ROBO1: variants seen among roughly 807,000 people sequenced by gnomAD.
ROBO1 encodes the protein roundabout guidance receptor 1.
Under a neutral mutation model 195.9 loss-of-function variants are expected in ROBO1, and 149 were observed. The ratio of observed to expected loss-of-function variants is 0.76; its 90% CI spans 0.67 to 0.87. The LOEUF (loss-of-function observed/expected upper bound fraction) is 0.87. Among genes scored for constraint, ROBO1 ranks in the 40% least tolerant of loss-of-function variants. ROBO1 has a pLI of 0.00. For missense variants in ROBO1, 1,933 were observed against 2,068.3 expected, an observed-to-expected ratio of 0.93 and a Z score of 1.27; for synonymous variants, 816 against 733.2, an observed-to-expected ratio of 1.11 and a Z score of -1.82.
intron 1 of ROBO1, among the ~76,000 whole-genome samples, chr3:79,761,377 T>C (rs185296967): frequency 2.6e-5 from 4 of 152,022 alleles, no homozygotes; most frequent in Admixed American, 2.0e-4. Flanking sequence ...AGAAAATGCA[T>C]AGAAATAATA....
chr3:79,747,079 A>G (rs1703908674), intron 1 of ROBO1, among the ~76,000 whole-genome samples: 1 of 152,028 alleles, frequency 6.6e-6, no homozygotes, highest in Non-Finnish European at 1.5e-5. Flanking sequence ...TAAGTAGGGA[A>G]TATAAACTCA....
At chr3:79,024,236 T>C (rs1431192184) in intron 3 of ROBO1, among the ~76,000 whole-genome samples, 3 of 152,236 alleles carry the variant, frequency 2.0e-5, no homozygotes, top group African/African-American at 7.2e-5. Flanking sequence ...GGTGCTATCC[T>C]GCTAAGTGCT....
At chr3:78,655,415 C>T (rs147437378) in intron 18 of ROBO1, among the ~76,000 whole-genome samples, 7 of 152,186 alleles carry the variant, frequency 4.6e-5, no homozygotes, top group African/African-American at 1.4e-4. Flanking sequence ...TTCCCATAGA[C>T]GATGTGTTTC....
chr3:78,823,874 C>G (rs961018568), intron 4 of ROBO1, among the ~76,000 whole-genome samples: 2 of 150,328 alleles, frequency 1.3e-5, no homozygotes, highest in Non-Finnish European at 3.0e-5. Flanking sequence ...AATTTTGTCA[C>G]TGTGTGTGTG....
At chr3:79,332,062 G>C (rs368957286) in intron 2 of ROBO1, among the ~76,000 whole-genome samples, 1 of 150,762 alleles carries the variant, frequency 6.6e-6, no homozygotes, top group African/African-American at 2.4e-5. Flanking sequence ...AGAGTGGCGT[G>C]AACCCGGGAG....
chr3:78,673,221 T>C (rs1035153775), intron 10 of ROBO1, among the ~76,000 whole-genome samples: 9 of 151,818 alleles, frequency 5.9e-5, no homozygotes, highest in African/African-American at 2.2e-4. Context: ...GAGATATGGT[T>C]AGATTTGAAA....
chr3:79,439,864 T>A (rs2107113928), intron 2 of ROBO1, among the ~76,000 whole-genome samples: 1 of 152,096 alleles, frequency 6.6e-6, no homozygotes, highest in African/African-American at 2.4e-5. Flanking sequence ...AGAATGAAGA[T>A]GAGAGAGAGC....
intron 4 of ROBO1, among the ~76,000 whole-genome samples, chr3:78,933,942 A>G (rs2039665765): frequency 6.6e-6 from 1 of 152,016 alleles, no homozygotes; most frequent in Non-Finnish European, 1.5e-5. Flanking sequence ...ATACTTAAGT[A>G]TATTGTTTAC....
intron 1 of ROBO1, among the ~76,000 whole-genome samples, chr3:79,611,133 G>A (rs1240454020): frequency 6.6e-6 from 1 of 152,002 alleles, no homozygotes; most frequent in Admixed American, 6.6e-5. Flanking sequence ...GCTAAGTTGA[G>A]CAGAAGTTCA....
chr3:79,699,011 T>A (rs1224567373), intron 1 of ROBO1, among the ~76,000 whole-genome samples: 1 of 151,060 alleles, frequency 6.6e-6, no homozygotes, highest in Non-Finnish European at 1.5e-5. Context: ...TAACATCAAT[T>A]ATGCACTGTG....
chr3:78,751,783 G>A (rs1345821516), intron 4 of ROBO1, among the ~76,000 whole-genome samples: 1 of 151,990 alleles, frequency 6.6e-6, no homozygotes, highest in Non-Finnish European at 1.5e-5. Flanking sequence ...CATATGATGT[G>A]CTAATTTTTA....
Position 78,617,857 on chromosome 3 carries a change from T to C in ROBO1, c.4060A>G (p.Thr1354Ala), listed in dbSNP as rs766486551. The C allele has an allele frequency of 8.1e-6, 13 of 1,613,966 alleles. No individual in the cohort carries two copies. The highest frequency in any genetic ancestry group is 1.0e-5 in the Non-Finnish European group (12 of 1,179,872). The part of the protein sequence containing the change: ...RRLLLRGLEQ[T>A]PASSVGDLES... ...AGGTCCCCAACACTGGAGGCAGGTG[T>C]CTGCTCAAGCCCACGTAACAAAAGC... is the stretch of plus-strand genomic sequence containing the variant. Residue 1354 changes from threonine (T) to alanine (A), a missense_variant, in exon 27 of 31, where the codon ACA becomes GCA. By Grantham distance (58) the Thr-to-Ala change is moderately conservative (BLOSUM62 0). Transcript: ENST00000464233.
At chr3:78,698,472 A>G (rs115132912) in intron 8 of ROBO1, among the ~76,000 whole-genome samples, 2,773 of 152,338 alleles carry the variant, frequency 0.018, 78 homozygotes, top group African/African-American at 0.063. Flanking sequence ...TAATGGATAC[A>G]TAAAATACTA....
chr3:79,163,265 G>A (rs2081005786), intron 2 of ROBO1, among the ~76,000 whole-genome samples: 1 of 151,952 alleles, frequency 6.6e-6, no homozygotes, highest in Admixed American at 6.6e-5. Flanking sequence ...TCATGTAAGT[G>A]GAATCATACA....
At chr3:79,662,855 T>G (rs1393915630) in intron 1 of ROBO1, among the ~76,000 whole-genome samples, 1 of 152,042 alleles carries the variant, frequency 6.6e-6, no homozygotes, top group African/African-American at 2.4e-5. Context: ...TAGAGCCCTG[T>G]GGGAGAATCT....
chr3:79,275,686 A>T (rs2108985708), intron 2 of ROBO1, among the ~76,000 whole-genome samples: 1 of 152,142 alleles, frequency 6.6e-6, no homozygotes, highest in South Asian at 2.1e-4. Flanking sequence ...GGAAGAAGTC[A>T]AATTGTGATG....
intron 3 of ROBO1, among the ~76,000 whole-genome samples, chr3:79,086,115 T>G (rs1044879798): frequency 2.6e-5 from 4 of 151,774 alleles, no homozygotes; most frequent in Non-Finnish European, 5.9e-5. Flanking sequence ...AAATGGAGTT[T>G]TTTTTTTTTT....
intron 5 of ROBO1, among the ~76,000 whole-genome samples, chr3:78,722,730 C>A (rs1447387925): frequency 6.6e-6 from 1 of 152,060 alleles, no homozygotes; most frequent in East Asian, 1.9e-4. Flanking sequence ...TTTTCAGATA[C>A]ATATACTTAG....
chr3:79,546,119 TATGTATAATAC>T (rs1411951027), intron 2 of ROBO1, among the ~76,000 whole-genome samples: 3 of 152,084 alleles, frequency 2.0e-5, no homozygotes, highest in Non-Finnish European at 2.9e-5. Context: ...AATAGTAATG[TATGTATAATAC>T]ATACATTAAT....
Sources: allele counts gnomAD v4.1 joint callset (sites outside exome capture counted in the v4.1 genomes callset), GRCh38; gene constraint gnomAD v4.1.1; transcripts MANE v1.5; gene names NCBI Gene and HGNC (gene_info 2026-07-23, HGNC 2026-07-21).